The following TPST1 variants were observed in gnomAD, a reference collection of about 807,000 sequenced individuals.
The protein encoded by TPST1 is tyrosylprotein sulfotransferase 1, also known as protein-tyrosine sulfotransferase 1.
Under a neutral mutation model 34.8 loss-of-function variants are expected in TPST1, and 20 were observed. The ratio of observed to expected loss-of-function variants is 0.57; its 90% CI spans 0.40 to 0.84. TPST1 has a LOEUF of 0.84. Ranked by LOEUF, TPST1 falls within the 40% of genes least tolerant of loss-of-function variation. The probability of loss-of-function intolerance (pLI) is 0.00; values close to 1 mark genes in which losing one functional copy is unlikely to be tolerated. For missense variants in TPST1, 353 were observed against 455.5 expected, an observed-to-expected ratio of 0.78 and a Z score of 2.05; for synonymous variants, 152 against 159.4, an observed-to-expected ratio of 0.95 and a Z score of 0.35.
chr7:66,245,433 G>A (rs1790126605), intron 2 of TPST1, among the ~76,000 whole-genome samples: 1 of 152,186 alleles, frequency 6.6e-6, no homozygotes, highest in South Asian at 2.1e-4. Context: ...AGACAGGCCG[G>A]GGTGATCAGA....
intron 1 of TPST1, among the ~76,000 whole-genome samples, chr7:66,227,699 C>T (rs1483893912): frequency 6.7e-6 from 1 of 150,316 alleles, no homozygotes; most frequent in East Asian, 2.0e-4. Context: ...TAGTCTGATT[C>T]TGACTGTATT....
upstream of TPST1, among the ~76,000 whole-genome samples, chr7:66,202,931 C>T (rs902985002): frequency 1.3e-5 from 2 of 152,090 alleles, no homozygotes; most frequent in African/African-American, 2.4e-5. Context: ...AAAAAATTAG[C>T]TGGGCATGGT....
chr7:66,219,915 TTC>T (rs1562800474), intron 1 of TPST1, among the ~76,000 whole-genome samples: 5 of 152,316 alleles, frequency 3.3e-5, no homozygotes, highest in East Asian at 3.9e-4. Flanking sequence ...TACCTTATTT[TTC>T]GTTGCAGCAA....
At chr7:66,249,898 G>C (rs1239859206) in intron 2 of TPST1, among the ~76,000 whole-genome samples, 1 of 152,180 alleles carries the variant, frequency 6.6e-6, no homozygotes, top group Non-Finnish European at 1.5e-5. Flanking sequence ...CCCTAAGGAA[G>C]ATCTCTCCAA....
intron 2 of TPST1, among the ~76,000 whole-genome samples, chr7:66,275,188 C>T (rs773776374): frequency 2.0e-5 from 3 of 151,372 alleles, no homozygotes; most frequent in African/African-American, 2.4e-5. Context: ...AGCGAGACTC[C>T]GTCTCAAAGA....
intron 3 of TPST1, among the ~76,000 whole-genome samples, chr7:66,311,994 T>C (rs1481694157): frequency 6.6e-6 from 1 of 152,246 alleles, no homozygotes; most frequent in Non-Finnish European, 1.5e-5. Context: ...ATGAGTTTCA[T>C]GCACTTGTAT....
chr7:66,352,627 A>C, intron 4 of TPST1, 72 bp downstream of exon 4: 1 of 1,574,652 alleles, frequency 6.4e-7, no homozygotes, highest in South Asian at 1.2e-5. Flanking sequence ...TTTTAAAGAG[A>C]TAATGAAATT....
intron 3 of TPST1, among the ~76,000 whole-genome samples, chr7:66,345,114 A>AAT (rs1792318368): frequency 6.6e-6 from 1 of 152,112 alleles, no homozygotes; most frequent in African/African-American, 2.4e-5. Context: ...GGAATAGAAG[A>AAT]ACCATTTGAA....
At chr7:66,227,834 C>A (rs986988791) in intron 1 of TPST1, among the ~76,000 whole-genome samples, 1 of 151,874 alleles carries the variant, frequency 6.6e-6, no homozygotes, top group Non-Finnish European at 1.5e-5. Context: ...CCTTACCTAA[C>A]AATTCCTCTT....
upstream of TPST1, among the ~76,000 whole-genome samples, chr7:66,204,845 C>T (rs1264545262): frequency 2.6e-5 from 4 of 152,242 alleles, no homozygotes; most frequent in Admixed American, 6.5e-5. Context: ...GCGTTATCTC[C>T]CCGAGGAGAT....
At chr7:66,293,326 AC>A (rs1225267502) in intron 3 of TPST1, among the ~76,000 whole-genome samples, 2 of 151,758 alleles carry the variant, frequency 1.3e-5, no homozygotes, top group African/African-American at 2.4e-5. Context: ...ACATAGTGAG[AC>A]CCCCATCTCT....
At chr7:66,231,947 T>C (rs1160126440) in intron 1 of TPST1, among the ~76,000 whole-genome samples, 2 of 152,264 alleles carry the variant, frequency 1.3e-5, no homozygotes, top group Non-Finnish European at 2.9e-5. Flanking sequence ...ATGCAAGGTT[T>C]ATCCATGTTG....
chr7:66,230,762 G>A (rs1183395795), intron 1 of TPST1, among the ~76,000 whole-genome samples: 1 of 152,130 alleles, frequency 6.6e-6, no homozygotes, highest in South Asian at 2.1e-4. Flanking sequence ...TGCTGGCTTG[G>A]GCAGCCTGCT....
chr7:66,308,143 C>T lies in TPST1; in HGVS notation c.1044+21434C>T, dbSNP rs563003011. Among the ~76,000 whole-genome samples, 6 of 152,274 alleles carry T rather than the reference C, an allele frequency of 3.9e-5. 1 individual carries two copies. Among genetic ancestry groups the T allele is most frequent in the Admixed American group, 2.0e-4 (3 of 15,298 alleles). On this transcript the variant is annotated intron_variant, in intron 3 of 5. Transcript: ENST00000304842. Reference sequence around the variant, plus strand: ...TCGAGTGTATGATGAGCAGCCTAAGCGACTTGGGCAACTTGGTAGCCAGTG... The same window carrying T: ...TCGAGTGTATGATGAGCAGCCTAAGTGACTTGGGCAACTTGGTAGCCAGTG...
intron 1 of TPST1, among the ~76,000 whole-genome samples, chr7:66,227,742 T>TC (rs879912961): frequency 2.6e-5 from 4 of 151,632 alleles, no homozygotes; most frequent in Non-Finnish European, 4.4e-5. Context: ...TTTTTTTTTT[T>TC]CTCAGATTTG....
intron 3 of TPST1, among the ~76,000 whole-genome samples, chr7:66,305,204 A>G (rs1444792933): frequency 6.6e-6 from 1 of 152,210 alleles, no homozygotes; most frequent in Non-Finnish European, 1.5e-5. Context: ...GTATATATTC[A>G]TATCAAAGCA....
chr7:66,250,382 C>T (rs1002248614), intron 2 of TPST1, among the ~76,000 whole-genome samples: 1 of 152,202 alleles, frequency 6.6e-6, no homozygotes, highest in Non-Finnish European at 1.5e-5. Context: ...TATATACTTA[C>T]AGCATTTATG....
At chr7:66,314,239 A>G (rs1791589340) in intron 3 of TPST1, among the ~76,000 whole-genome samples, 2 of 152,202 alleles carry the variant, frequency 1.3e-5, no homozygotes, top group South Asian at 4.1e-4. Context: ...CCTTTCAATT[A>G]AAAAACAATC....
In TPST1 at chr7:66,358,835, G is replaced by A. The variant is rs537142632; in HGVS notation, c.*30-1060G>A. The stretch of plus-strand genomic sequence containing the variant: ...GCCCGCCCCACCAAACACACACAAG[G>A]CCTCATTTCTTTACCAGCGTGTTGT... On this transcript the variant is annotated intron_variant, in intron 5 of 5. Coordinates refer to ENST00000304842, the MANE Select transcript of TPST1 (RefSeq NM_003596.4). 6.6e-5 allele frequency among the ~76,000 whole-genome samples: 10 copies of A among 152,234 alleles called. 1 individual carries two copies. In the South Asian group the frequency reaches 2.1e-3, roughly 32 times the overall value.
Sources: allele counts gnomAD v4.1 joint callset (sites outside exome capture counted in the v4.1 genomes callset), GRCh38; gene constraint gnomAD v4.1.1; transcripts MANE v1.5; gene names NCBI Gene and HGNC (gene_info 2026-07-23, HGNC 2026-07-21).